Variants in HMX1 observed in about 807,000 individuals in gnomAD.
The protein encoded by HMX1 is H6 family homeobox 1.
In HMX1, 8 loss-of-function variants were observed where a neutral mutation model predicts 8.9. The ratio of observed to expected loss-of-function variants is 0.90; its 90% CI spans 0.53 to 1.63. HMX1 has a LOEUF of 1.63. HMX1 is among the 40% of genes most tolerant of loss of function. HMX1 has a pLI of 0.00. For synonymous variants in HMX1, 311 were observed against 283.4 expected, an observed-to-expected ratio of 1.10 and a Z score of -0.98; for missense variants, 621 against 558.5, an observed-to-expected ratio of 1.11 and a Z score of -1.13.
chr4:8,870,434 G>T lies in HMX1; in HGVS notation c.394+787C>A, dbSNP rs1477998871. Among the ~76,000 whole-genome samples, 2 of 152,106 alleles carry T rather than the reference G, an allele frequency of 1.3e-5. No homozygotes were observed. The highest frequency in any genetic ancestry group is 2.9e-5 in the Non-Finnish European group (2 of 68,004). ...CCCCAGCCCCAGTCTCAAGCCCTCA[G>T]CAGGGAACAAAGGCAAGGAGGGGGA... On this transcript the variant is annotated intron_variant, in intron 1 of 1. Coordinates refer to ENST00000400677, the MANE Select transcript of HMX1 (RefSeq NM_018942.3). This position sits in a 1 kb window ranked among gnomAD's most constrained non-coding sequence, Gnocchi z 4.4.
chr4:8,868,241 G>C lies in HMX1; in HGVS notation c.499C>G (p.Leu167Val). The change falls in exon 2 of 2, where the codon CTG becomes GTG. Residue 167 changes from leucine (L) to valine (V), a missense_variant. Transcript: ENST00000400677. The surrounding 1 kb of genome is among the most constrained non-coding windows in gnomAD (Gnocchi z 4.6). ...PGAVQREAAE[L>V]AARGPAAGTE... The stretch of plus-strand genomic sequence containing the variant: ...CCGGCCGCCGGGCCACGCGCCGCCA[G>C]CTCCGCTGCCTCCCGCTGCACCGCT... 7.0e-7 allele frequency: 1 copy of C among 1,437,012 alleles called. No individual in the cohort carries two copies. The highest frequency in any genetic ancestry group is 9.1e-7 in the Non-Finnish European group (1 of 1,101,120). 89.0% of individuals were successfully genotyped at this position (1,437,012 alleles called of 1,614,324 possible). A position where few individuals can be genotyped will look rare whatever the true frequency, so the allele number is the denominator to read the frequency against.
At position 8,857,724 on chromosome 4, in the gene HMX1, T is replaced by A. The variant is rs536234706; in HGVS notation, c.395-11400A>T. On this transcript the variant is annotated intron_variant, in intron 1 of 1. Transcript: ENST00000506970. ...GGGAAACAATTTTGGACGTTTCTGG[T>A]TGGATTGTGTCTAAATCGTGCATTT... Among the ~76,000 whole-genome samples the A allele has an allele frequency of 7.1e-4, 108 of 152,308 alleles. 1 individual carries two copies. The highest frequency in any genetic ancestry group is 2.5e-3 in the African/African-American group (106 of 41,584).
Position 8,867,741 on chromosome 4 carries a change from G to T in HMX1, c.999C>A (p.Ala333=). The change falls in exon 2 of 2, where the codon GCC becomes GCA. Residue 333 remains alanine (A), a synonymous_variant. Coordinates refer to ENST00000400677, the MANE Select transcript of HMX1 (RefSeq NM_018942.3). ...ALAYPLAAFP[A]AASVPFLRAQ... ...CCCGCAGAAAGGGCACGGAGGCGGC[G>T]GCCGGGAAGGCGGCCAGCGGGTAGG... The T allele has an allele frequency of 7.7e-7, 1 of 1,290,864 alleles. No homozygotes were observed. The highest frequency in any genetic ancestry group is 2.8e-4 in the Middle Eastern group (1 of 3,632). 80.0% of individuals were successfully genotyped at this position (1,290,864 alleles called of 1,614,324 possible).
rs560048603 is a variant in HMX1 at position 8,848,996 on chromosome 4, C to T, written c.395-2672G>A. On this transcript the variant is annotated intron_variant, in intron 1 of 1. Coordinates refer to the HMX1 transcript ENST00000506970. The surrounding 1 kb of genome is among the most constrained non-coding windows in gnomAD (Gnocchi z 4.1). Reference sequence around the variant, plus strand: ...CGTTACCGCAGGAGCAATTCCTCCTCTCTGAACAGAGTGCAGCATCGTGGG... The same window carrying T: ...CGTTACCGCAGGAGCAATTCCTCCTTTCTGAACAGAGTGCAGCATCGTGGG... Among the ~76,000 whole-genome samples, 1 of 152,212 alleles carries T rather than the reference C, an allele frequency of 6.6e-6. No individual in the cohort carries two copies. The highest frequency in any genetic ancestry group is 2.1e-4 in the South Asian group (1 of 4,828).
At chr4:8,863,023 A>G (rs896852112), downstream of HMX1, among the ~76,000 whole-genome samples, 7 of 145,924 alleles carry the variant, frequency 4.8e-5, no homozygotes, top group Non-Finnish European at 1.0e-4. Flanking sequence ...CGGCGAGTCC[A>G]GGAGGCCCAG....
Position 8,849,128 on chromosome 4 carries a change from G to A in HMX1, c.395-2804C>T, listed in dbSNP as rs1408136739. On this transcript the variant is annotated intron_variant, in intron 1 of 1. Coordinates refer to the HMX1 transcript ENST00000506970. This position sits in a 1 kb window ranked among gnomAD's most constrained non-coding sequence, Gnocchi z 6.6. ...TTTCCCATCTGTGAAACGGGGGTAT[G>A]AAGTGTGGGATGAAGCCTTTTCATG... Among the ~76,000 whole-genome samples, 1 of 152,098 alleles carries A rather than the reference G, an allele frequency of 6.6e-6. No individual in the cohort carries two copies. The highest frequency in any genetic ancestry group is 1.5e-5 in the Non-Finnish European group (1 of 68,026).
Position 8,849,397 on chromosome 4 carries a change from G to T in HMX1, c.395-3073C>A, listed in dbSNP as rs1721374151. Among the ~76,000 whole-genome samples, 1 of 151,754 alleles carries T rather than the reference G, an allele frequency of 6.6e-6. No homozygotes were observed. Among genetic ancestry groups the T allele is most frequent in the Non-Finnish European group, 1.5e-5 (1 of 68,002 alleles). ...CAGGGCAGCGTGAAGCCAAGGAGAA[G>T]GCGGGCACTCAGCTGGCACCACGTG... On this transcript the variant is annotated intron_variant, in intron 1 of 1. Coordinates refer to the HMX1 transcript ENST00000506970. This position sits in a 1 kb window ranked among gnomAD's most constrained non-coding sequence, Gnocchi z 6.6.
chr4:8,871,550 T>C lies in HMX1; in HGVS notation c.65A>G (p.Glu22Gly). The stretch of plus-strand genomic sequence containing the variant: ...CTTGGCCTCGGCCGCCAGCAGGTTC[T>C]CGATGAGGAAGGAGGAGGCGCGGGC... ...TPARASSFLI[E>G]NLLAAEAKGA... The change falls in exon 1 of 2, where the codon GAG (glutamate) becomes GGG (glycine). Residue 22 changes from glutamate (E) to glycine (G), a missense_variant. Transcript: ENST00000400677. This position sits in a 1 kb window ranked among gnomAD's most constrained non-coding sequence, Gnocchi z 4.8. The C allele has an allele frequency of 7.3e-7, 1 of 1,366,918 alleles. No homozygotes were observed. The highest frequency in any genetic ancestry group is 9.5e-7 in the Non-Finnish European group (1 of 1,057,084). 84.7% of individuals were successfully genotyped at this position (1,366,918 alleles called of 1,614,324 possible). A position where few individuals can be genotyped will look rare whatever the true frequency, so the allele number is the denominator to read the frequency against.
At chr4:8,851,959 TC>T (rs1366358320) in intron 1 of HMX1, among the ~76,000 whole-genome samples, 1 of 152,196 alleles carries the variant, frequency 6.6e-6, no homozygotes, top group Admixed American at 6.5e-5. Flanking sequence ...GCGTCCTGTG[TC>T]AAGGAGGCAC....
intron 1 of HMX1, among the ~76,000 whole-genome samples, chr4:8,861,949 C>T (rs978991085): frequency 7.9e-5 from 12 of 152,260 alleles, no homozygotes; most frequent in Non-Finnish European, 1.3e-4. Flanking sequence ...GGAACCACGT[C>T]CGCGTGGGTG....
chr4:8,846,359 AG>A (rs1194046328), intron 1 of HMX1: 2 of 1,472,836 alleles, frequency 1.4e-6, no homozygotes, highest in Non-Finnish European at 9.1e-7. Context: ...TGGGAGCACT[AG>A]TCATGTCTGC....
rs1057442052 is a variant in HMX1, at chr4:8,853,296, C to A, written c.395-6972G>T. 6.6e-6 allele frequency among the ~76,000 whole-genome samples: 1 copy of A among 152,146 alleles called. No homozygotes were observed. Among genetic ancestry groups the A allele is most frequent in the Non-Finnish European group, 1.5e-5 (1 of 68,034 alleles). Reference sequence around the variant, plus strand: ...CACCAGGGACCTGGCTCCTTCTATCCGAGGCTCTGCTTTGCTGTAACTAAA... The same window carrying A: ...CACCAGGGACCTGGCTCCTTCTATCAGAGGCTCTGCTTTGCTGTAACTAAA... On this transcript the variant is annotated intron_variant, in intron 1 of 1. Transcript: ENST00000506970. The surrounding 1 kb of genome is among the most constrained non-coding windows in gnomAD (Gnocchi z 4.7).
Position 8,846,712 on chromosome 4 carries a change from C to T in HMX1, c.395-388G>A, listed in dbSNP as rs555049408. Among the ~76,000 whole-genome samples the T allele has an allele frequency of 3.7e-4, 57 of 152,044 alleles. No individual in the cohort carries two copies. The Middle Eastern group carries it at 0.01, about 27-fold the overall frequency. On this transcript the variant is annotated intron_variant, in intron 1 of 1. Coordinates refer to the HMX1 transcript ENST00000506970. The stretch of plus-strand genomic sequence containing the variant: ...CACACCCCAAACCTCTCACCCCTTA[C>T]CCCACCAGGCATTGAACCATACACG...
rs959123729 is a variant in HMX1, at chr4:8,847,377, G to A, written c.395-1053C>T. On this transcript the variant is annotated intron_variant, in intron 1 of 1. Coordinates refer to the HMX1 transcript ENST00000506970. The surrounding 1 kb of genome is among the most constrained non-coding windows in gnomAD (Gnocchi z 6.0). ...GAATTCCTGGTTCACACCAGGAGGA[G>A]CAAGATGTTTCTGGGAACGTGGTTT... 6.6e-5 allele frequency among the ~76,000 whole-genome samples: 10 copies of A among 152,356 alleles called. No individual in the cohort carries two copies. Among genetic ancestry groups the A allele is most frequent in the Admixed American group, 5.2e-4 (8 of 15,306 alleles).
chr4:8,871,787 C>T lies in HMX1; in HGVS notation c.-173G>A, dbSNP rs1463391903. On this transcript the variant is annotated 5_prime_UTR_variant, in exon 1 of 2. Coordinates refer to ENST00000400677, the MANE Select transcript of HMX1 (RefSeq NM_018942.3). The surrounding 1 kb of genome is among the most constrained non-coding windows in gnomAD (Gnocchi z 4.8). ...CGCGCCGGGCTGGGCTGGGCCGGGCCGGGAGCGAGTGCGCGCCGACAGCTG... is the reference window on the plus strand; with the variant it reads ...CGCGCCGGGCTGGGCTGGGCCGGGCTGGGAGCGAGTGCGCGCCGACAGCTG... 2.4e-6 allele frequency: 2 copies of T among 849,106 alleles called. No individual in the cohort carries two copies. The highest frequency in any genetic ancestry group is 1.2e-4 in the East Asian group (1 of 8,324). The allele number at this position is 849,106 out of a possible 1,614,324, so 52.6% of individuals were successfully genotyped here.
chr4:8,867,483 G>C lies in HMX1; in HGVS notation c.*210C>G. ...CCCTGTTCGAGTGGGGATCCAGCCT[G>C]GCAAATGGGTGGGGCGTCCCATTAC... On this transcript the variant is annotated 3_prime_UTR_variant, in exon 2 of 2. Transcript: ENST00000400677. The C allele has an allele frequency of 6.9e-6, 8 of 1,161,164 alleles. No individual in the cohort carries two copies. Among genetic ancestry groups the C allele is most frequent in the Non-Finnish European group, 7.4e-6 (7 of 943,402 alleles). 71.9% of individuals were successfully genotyped at this position (1,161,164 alleles called of 1,614,324 possible).
At chr4:8,846,664 C>A (rs1721286326) in intron 1 of HMX1, among the ~76,000 whole-genome samples, 1 of 152,172 alleles carries the variant, frequency 6.6e-6, no homozygotes, top group Non-Finnish European at 1.5e-5. Context: ...TCTTCCACCT[C>A]TCACACTCCC....
In HMX1 at chr4:8,849,483, T is replaced by A. The variant is rs1314287660; in HGVS notation, c.395-3159A>T. On this transcript the variant is annotated intron_variant, in intron 1 of 1. Transcript: ENST00000506970. This position sits in a 1 kb window ranked among gnomAD's most constrained non-coding sequence, Gnocchi z 6.6. Reference sequence around the variant, plus strand: ...CTGGAGGGGGCAGGAAGGGCTCTCCTCTAGAGCCTCTGGAGGGGCACAGCC... The same window carrying A: ...CTGGAGGGGGCAGGAAGGGCTCTCCACTAGAGCCTCTGGAGGGGCACAGCC... Among the ~76,000 whole-genome samples, 1 of 151,974 alleles carries A rather than the reference T, an allele frequency of 6.6e-6. No individual in the cohort carries two copies. The highest frequency in any genetic ancestry group is 2.4e-5 in the African/African-American group (1 of 41,384).
Position 8,868,353 on chromosome 4 carries a change from G to T in HMX1, c.395-8C>A. The T allele has an allele frequency of 1.5e-6, 2 of 1,365,290 alleles. No homozygotes were observed. 84.6% of individuals were successfully genotyped at this position (1,365,290 alleles called of 1,614,324 possible). A position where few individuals can be genotyped will look rare whatever the true frequency, so the allele number is the denominator to read the frequency against. Reference sequence around the variant, plus strand: ...GTGAGTCCCGGTCGCTGGCTGCAGGGGAGAGAGGGCACCACCGTTGGTTCT... The same window carrying T: ...GTGAGTCCCGGTCGCTGGCTGCAGGTGAGAGAGGGCACCACCGTTGGTTCT... On this transcript the variant is annotated splice_region_variant and splice_polypyrimidine_tract_variant and intron_variant, in intron 1 of 1. Coordinates refer to ENST00000400677, the MANE Select transcript of HMX1 (RefSeq NM_018942.3). The surrounding 1 kb of genome is among the most constrained non-coding windows in gnomAD (Gnocchi z 4.6).
Sources: gnomAD v4.1 joint callset for allele counts (sites outside exome capture counted in the v4.1 genomes callset) on GRCh38, gnomAD v4.1.1 for gene constraint, Gnocchi (gnomAD v3.1) non-coding constraint, MANE v1.5 for transcripts, NCBI Gene and HGNC (gene_info 2026-07-23, HGNC 2026-07-21) for gene names.